The following ESRRG variants were observed in gnomAD, a reference collection of about 807,000 sequenced individuals.
ESRRG encodes the protein estrogen related receptor gamma.
A neutral mutation model predicts 44.0 loss-of-function variants in ESRRG; 13 were observed. The observed-to-expected ratio is 0.30, with a 90% CI of 0.19 to 0.47. ESRRG has a LOEUF of 0.47. Among genes scored for constraint, ESRRG ranks in the 20% least tolerant of loss-of-function variants. The pLI is 1.00. For synonymous variants in ESRRG, 215 were observed against 214.6 expected, an observed-to-expected ratio of 1.00 and a Z score of -0.02; for missense variants, 395 against 580.6, an observed-to-expected ratio of 0.68 and a Z score of 3.29.
intron 2 of ESRRG, among the ~76,000 whole-genome samples, chr1:216,655,483 T>A (rs1016210950): frequency 1.3e-5 from 2 of 152,082 alleles, no homozygotes; most frequent in Non-Finnish European, 2.9e-5. Context: ...ATGACTACAC[T>A]GGGGTAAAGG....
intron 1 of ESRRG, among the ~76,000 whole-genome samples, chr1:217,118,308 G>A (rs929604153): frequency 3.3e-5 from 5 of 152,192 alleles, no homozygotes; most frequent in African/African-American, 9.7e-5. Context: ...GCAGATCCAA[G>A]ACCTACATTC....
intron 2 of ESRRG, among the ~76,000 whole-genome samples, chr1:216,786,141 G>T (rs909072836): frequency 3.5e-4 from 53 of 152,190 alleles, no homozygotes; most frequent in African/African-American, 1.2e-3. Context: ...TTTAAAATGG[G>T]ATGTGAGAGG....
chr1:216,754,209 T>G (rs2092297824), intron 2 of ESRRG, among the ~76,000 whole-genome samples: 1 of 152,032 alleles, frequency 6.6e-6, no homozygotes, highest in Admixed American at 6.6e-5. Context: ...AAAATGAATG[T>G]GACCTTGACC....
intron 3 of ESRRG, among the ~76,000 whole-genome samples, chr1:216,622,411 T>C (rs539532970): frequency 6.6e-6 from 1 of 152,328 alleles, no homozygotes; most frequent in African/African-American, 2.4e-5. Context: ...CTTTCTTGAA[T>C]TATTAGTTTT....
chr1:216,625,097 T>C (rs1308535408), intron 3 of ESRRG, among the ~76,000 whole-genome samples: 2 of 152,188 alleles, frequency 1.3e-5, no homozygotes, highest in African/African-American at 2.4e-5. Context: ...AGTGATCATC[T>C]TATACGTGGG....
At chr1:216,940,184 G>C (rs540036054) in intron 1 of ESRRG, among the ~76,000 whole-genome samples, 1 of 152,114 alleles carries the variant, frequency 6.6e-6, no homozygotes, top group East Asian at 1.9e-4. Context: ...AGAGGCTCAA[G>C]CTTTCTAAGT....
intron 2 of ESRRG, among the ~76,000 whole-genome samples, chr1:216,765,707 C>G (rs2093039367): frequency 6.6e-6 from 1 of 152,066 alleles, no homozygotes; most frequent in African/African-American, 2.4e-5. Context: ...TAGTCAGACA[C>G]TAAGGGATCT....
At chr1:216,678,442 C>T (rs1247116645) in intron 1 of ESRRG, among the ~76,000 whole-genome samples, 9 of 152,034 alleles carry the variant, frequency 5.9e-5, no homozygotes, top group Non-Finnish European at 1.2e-4. Context: ...CATATTTTGT[C>T]CTAAAAAATA....
chr1:217,014,455 T>C (rs193240508), intron 1 of ESRRG, among the ~76,000 whole-genome samples: 17 of 152,326 alleles, frequency 1.1e-4, no homozygotes, highest in Non-Finnish European at 1.9e-4. Context: ...GTTCTGCATA[T>C]GGATTCATAA....
At chr1:216,836,273 TCTC>T (rs1298906189) in intron 2 of ESRRG, among the ~76,000 whole-genome samples, 1 of 152,064 alleles carries the variant, frequency 6.6e-6, no homozygotes, top group Admixed American at 6.6e-5. Context: ...AAAACTTCCT[TCTC>T]CTCTAGTTTC....
chr1:216,732,415 C>G (rs978581738), intron 2 of ESRRG, among the ~76,000 whole-genome samples: 1 of 148,776 alleles, frequency 6.7e-6, no homozygotes, highest in Non-Finnish European at 1.5e-5. Context: ...CTTACTGTGT[C>G]GCCCAGGCTG....
intron 2 of ESRRG, among the ~76,000 whole-genome samples, chr1:216,654,572 T>C (rs2069931749): frequency 1.3e-5 from 2 of 148,910 alleles, no homozygotes; most frequent in African/African-American, 5.0e-5. Flanking sequence ...GAGGCTGCAG[T>C]GAGCTGAGAT....
intron 2 of ESRRG, among the ~76,000 whole-genome samples, chr1:216,808,392 TGA>T (rs1266171312): frequency 6.6e-6 from 1 of 152,140 alleles, no homozygotes; most frequent in Admixed American, 6.6e-5. Flanking sequence ...TAAGTCTCAA[TGA>T]GAGAGCATCA....
Position 216,677,085 on chromosome 1 carries a change from T to C in ESRRG, c.463A>G (p.Thr155Ala). Residue 155 changes from threonine to alanine, a missense_variant, in exon 2 of 7, where the codon ACA becomes GCA. Thr to Ala is a moderately conservative substitution (Grantham distance 58). Around this residue, in one of 5 missense-constraint regions of ESRRG, gnomAD observed 35 missense variants for 120.1 expected, o/e 0.29. Coordinates refer to ENST00000408911, the MANE Select transcript of ESRRG (RefSeq NM_001438.4). ...CEACKAFFKR[T>A]IQGNIEYSCP... ...CAGGTCCGACACTAACCTTGAATTG[T>C]CCTCTTGAAGAATGCCTTGCAGGCT... 1 of 1,613,432 alleles carries C rather than the reference T, an allele frequency of 6.2e-7. No individual in the cohort carries two copies. The highest frequency in any genetic ancestry group is 8.5e-7 in the Non-Finnish European group (1 of 1,179,430).
intron 2 of ESRRG, among the ~76,000 whole-genome samples, chr1:216,674,157 G>T (rs2075686804): frequency 6.6e-6 from 1 of 152,174 alleles, no homozygotes; most frequent in Non-Finnish European, 1.5e-5. Context: ...GTGGAACAAT[G>T]GCTGGTAAAC....
intron 1 of ESRRG, among the ~76,000 whole-genome samples, chr1:217,128,388 C>G (rs1165405539): frequency 6.6e-6 from 1 of 152,166 alleles, no homozygotes. Context: ...TCTCTGCTCT[C>G]TGACTCCAAG....
intron 1 of ESRRG, among the ~76,000 whole-genome samples, chr1:217,111,249 A>T (rs1448710080): frequency 2.6e-5 from 4 of 152,270 alleles, no homozygotes; most frequent in Admixed American, 6.5e-5. Flanking sequence ...TCCCCAGGGC[A>T]GGTATGAGCT....
At chr1:216,531,398 C>T (rs10863248) in intron 5 of ESRRG, among the ~76,000 whole-genome samples, 3 of 151,684 alleles carry the variant, frequency 2.0e-5, no homozygotes, top group African/African-American at 4.8e-5. Flanking sequence ...GTTCACGGCT[C>T]GTGTTTGCTG....
intron 1 of ESRRG, among the ~76,000 whole-genome samples, chr1:217,024,272 G>T (rs2080842745): frequency 1.3e-5 from 2 of 151,866 alleles, no homozygotes; most frequent in Non-Finnish European, 2.9e-5. Context: ...GCAGGAGAAT[G>T]GCGTGAACCC....
Sources: allele counts gnomAD v4.1 joint callset (sites outside exome capture counted in the v4.1 genomes callset), GRCh38; gene constraint gnomAD v4.1.1; regional missense constraint gnomAD v4.1.1; transcripts MANE v1.5; gene names NCBI Gene and HGNC (gene_info 2026-07-23, HGNC 2026-07-21).